Variants in L3MBTL1 observed in about 807,000 individuals in gnomAD.
L3MBTL1 encodes lethal(3)malignant brain tumor-like protein 1.
Under a neutral mutation model 105.3 loss-of-function variants are expected in L3MBTL1, and 75 were observed. The observed-to-expected ratio is 0.71, with a 90% CI of 0.59 to 0.86. The LOEUF (loss-of-function observed/expected upper bound fraction) is 0.86, where lower values mean the gene tolerates loss of function less well. L3MBTL1 is among the 40% of genes least tolerant of loss of function. The probability of loss-of-function intolerance (pLI) is 0.00; values close to 1 mark genes in which losing one functional copy is unlikely to be tolerated. For missense variants in L3MBTL1, 1,069 were observed against 1,126.4 expected, an observed-to-expected ratio of 0.95 and a Z score of 0.73; for synonymous variants, 452 against 436.2, an observed-to-expected ratio of 1.04 and a Z score of -0.45.
chr20:43,527,657 A>G (rs2019103251), intron 7 of L3MBTL1, among the ~76,000 whole-genome samples: 1 of 147,764 alleles, frequency 6.8e-6, no homozygotes, highest in Admixed American at 6.7e-5. Flanking sequence ...CCCATCAAGC[A>G]CACATATACA....
At chr20:43,547,253 C>T (rs1012021632) in intron 18 of L3MBTL1, among the ~76,000 whole-genome samples, 5 of 151,998 alleles carry the variant, frequency 3.3e-5, no homozygotes, top group South Asian at 4.2e-4. Flanking sequence ...TGCAGGCGCC[C>T]GCCACCACGC....
chr20:43,515,630 TC>T (rs1195526685), intron 6 of L3MBTL1: 2 of 590,106 alleles, frequency 3.4e-6, no homozygotes, highest in Non-Finnish European at 5.8e-6. Context: ...AGCTCCCATC[TC>T]AGTTTAGTGT....
At chr20:43,548,590 T>C (rs1469876089) in exon 19 of L3MBTL1, 3 of 165,702 alleles carry the variant, frequency 1.8e-5, no homozygotes, top group Admixed American at 6.2e-5. Context: ...GAGAGACTAG[T>C]AGAGCAGCAG....
chr20:43,528,851 G>A, intron 8 of L3MBTL1, 106 bp downstream of exon 8: 1 of 853,442 alleles, frequency 1.2e-6, no homozygotes, highest in Non-Finnish European at 2.0e-6. Context: ...TGCCTCAGTG[G>A]ACTGGCAGAA....
chr20:43,529,385 T>G lies in L3MBTL1; in HGVS notation c.1056+17T>G. The G allele has an allele frequency of 6.4e-7, 1 of 1,562,298 alleles. No individual in the cohort carries two copies. The highest frequency in any genetic ancestry group is 8.8e-7 in the Non-Finnish European group (1 of 1,137,086). On this transcript the variant is annotated intron_variant, in intron 9 of 21. Transcript: ENST00000418998. ...GTGGCTGAGGTGAGCTGGGGCTTGG[T>G]ACCACCTTTCTGATGATGTCTCTCA... is the stretch of plus-strand genomic sequence containing the variant.
At chr20:43,537,832 A>T (rs920885622) in intron 19 of L3MBTL1, among the ~76,000 whole-genome samples, 2 of 152,246 alleles carry the variant, frequency 1.3e-5, no homozygotes, top group Non-Finnish European at 2.9e-5. Context: ...TAACCTGGGC[A>T]GTAAGTAACA....
intron 12 of L3MBTL1, 60 bp downstream of exon 12, chr20:43,532,984 T>TTCATATCTCAGGTA: frequency 6.4e-7 from 1 of 1,563,766 alleles, no homozygotes; most frequent in Admixed American, 1.7e-5. Flanking sequence ...GGCAACTGCT[T>TTCATATCTCAGGTA]TCATATCTCA....
Position 43,541,889 on chromosome 20 carries a change from A to G in L3MBTL1, c.*761A>G. 7 of 985,414 alleles carry G rather than the reference A, an allele frequency of 7.1e-6. No homozygotes were observed. Among genetic ancestry groups the G allele is most frequent in the Non-Finnish European group, 8.4e-6 (7 of 829,910 alleles). The allele number at this position is 985,414 out of a possible 1,614,324, so 61.0% of individuals were successfully genotyped here. On this transcript the variant is annotated 3_prime_UTR_variant, in exon 22 of 22. Transcript: ENST00000418998. Reference sequence around the variant, plus strand: ...GGGAACACAATAAACACCAGTTTTGACTTTTAGTGCATAGTTGTCCTTAAG... The same window carrying G: ...GGGAACACAATAAACACCAGTTTTGGCTTTTAGTGCATAGTTGTCCTTAAG...
chr20:43,533,023 T>A (rs1568925687), intron 12 of L3MBTL1, 99 bp downstream of exon 12: 2 of 1,202,492 alleles, frequency 1.7e-6, no homozygotes, highest in Non-Finnish European at 2.4e-6. Flanking sequence ...TCAGTCCAGT[T>A]CTGACATTCA....
At chr20:43,548,031 C>A in intron 18 of L3MBTL1, 2 of 1,003,866 alleles carry the variant, frequency 2.0e-6, no homozygotes, top group African/African-American at 1.7e-5. Context: ...TCCCCATGCA[C>A]ACCCCTCCCT....
At position 43,540,282 on chromosome 20, in the gene L3MBTL1, A is replaced by G; in HGVS notation, c.2305A>G (p.Thr769Ala). ...LPGVAGISAS[T>A]VAKWTIDEVF... The stretch of plus-strand genomic sequence containing the variant: ...AGGAGTAGCGGGCATCTCAGCCTCG[A>G]CAGTCGCCAAGTGGACCATCGATGA... Residue 769 changes from threonine (T) to alanine (A), a missense_variant, in exon 20 of 22, where the codon ACA becomes GCA. Thr to Ala is a moderately conservative substitution (Grantham distance 58). Transcript: ENST00000418998. The G allele has an allele frequency of 6.2e-7, 1 of 1,613,772 alleles. No homozygotes were observed. Among genetic ancestry groups the G allele is most frequent in the Non-Finnish European group, 8.5e-7 (1 of 1,180,010 alleles).
intron 1 of L3MBTL1, among the ~76,000 whole-genome samples, chr20:43,509,057 C>A (rs988782624): frequency 7.2e-5 from 11 of 152,190 alleles, no homozygotes; most frequent in African/African-American, 2.7e-4. Flanking sequence ...CTGAGTCCCC[C>A]CTCACTTCAT....
In L3MBTL1 at chr20:43,518,851, C is replaced by CAAAAAAA. The variant is rs34529936; in HGVS notation, c.862+2696_862+2702dup. Reference sequence around the variant, plus strand: ...TGAAACCCCATCTCTACTAAAAATACAAAAAAAAAAAAAAAAAAAAAAAAA... The same window carrying CAAAAAAA: ...TGAAACCCCATCTCTACTAAAAATACAAAAAAAAAAAAAAAAAAAAAAAAAAAAAAAA... On this transcript the variant is annotated intron_variant, in intron 7 of 21. Transcript: ENST00000418998. 3.3e-4 allele frequency among the ~76,000 whole-genome samples: 11 copies of CAAAAAAA among 33,302 alleles called. 1 individual carries two copies. Among genetic ancestry groups the CAAAAAAA allele is most frequent in the Non-Finnish European group, 4.1e-4 (9 of 22,006 alleles). The allele number at this position is 33,302 out of a possible 152,430, so 21.8% of individuals were successfully genotyped here. A position where few individuals can be genotyped will look rare whatever the true frequency, so the allele number is the denominator to read the frequency against.
rs181809025 is a variant in L3MBTL1 at position 43,523,887 on chromosome 20, C to T, written c.863-4770C>T. ...GCGCATACCTGTAATCCCAGCTACT[C>T]GGGAGGCTGAGGCAGGATAATCACT... On this transcript the variant is annotated intron_variant, in intron 7 of 21. Transcript: ENST00000418998. Among the ~76,000 whole-genome samples the T allele has an allele frequency of 1.9e-3, 283 of 150,568 alleles. 3 individuals are homozygous for T. Among genetic ancestry groups the T allele is most frequent in the African/African-American group, 6.5e-3 (266 of 40,834 alleles).
rs969588282 is a variant in L3MBTL1 at position 43,514,031 on chromosome 20, C to A, written c.330C>A (p.Ala110=). Residue 110 remains alanine, a synonymous_variant, in exon 3 of 22, where the codon GCC becomes GCA. Transcript: ENST00000418998. ...STVRLLEWTE[A]AAPPPGGGLR... is the part of the protein sequence containing the mutation. ...TGCGGCTTCTGGAATGGACAGAGGC[C>A]GCGGCCCCGCCCCCAGGGGGCGGCC... 25 of 1,536,508 alleles carry A rather than the reference C, an allele frequency of 1.6e-5. No homozygotes were observed. In the African/African-American group the frequency reaches 2.7e-4, roughly 17 times the overall value.
chr20:43,515,618 A>G, intron 6 of L3MBTL1: 1 of 629,094 alleles, frequency 1.6e-6, no homozygotes, highest in Non-Finnish European at 2.7e-6. Context: ...TTGATTTTCC[A>G]GAGCTCCCAT....
chr20:43,529,360 G>A lies in L3MBTL1; in HGVS notation c.1048G>A (p.Val350Met), dbSNP rs753126855. The change falls in exon 9 of 22, where the codon GTG (valine) becomes ATG (methionine). Residue 350 changes from valine (V) to methionine (M), a missense_variant. Transcript: ENST00000418998. ...CCCGTCCATGTACTTCATCCTCACC[G>A]TGGCTGAGGTGAGCTGGGGCTTGGT... is the stretch of plus-strand genomic sequence containing the variant. ...QHPSMYFILTVAEVCGYRLRL... is the reference protein window; with the variant it reads ...QHPSMYFILTMAEVCGYRLRL... 9.9e-6 allele frequency: 16 copies of A among 1,608,280 alleles called. No homozygotes were observed. Among genetic ancestry groups the A allele is most frequent in the African/African-American group, 1.3e-5 (1 of 74,820 alleles).
intron 7 of L3MBTL1, among the ~76,000 whole-genome samples, chr20:43,519,403 G>A (rs1287750875): frequency 2.0e-5 from 3 of 151,242 alleles, no homozygotes; most frequent in African/African-American, 4.9e-5. Flanking sequence ...TTGGGAGGCC[G>A]AAGCGGGCAG....
intron 7 of L3MBTL1, among the ~76,000 whole-genome samples, chr20:43,522,586 C>T (rs1454963259): frequency 6.8e-6 from 1 of 147,248 alleles, no homozygotes; most frequent in Admixed American, 6.9e-5. Flanking sequence ...CATCCTCCCT[C>T]CTTAGCCTTC....
Sources: allele counts gnomAD v4.1 joint callset (sites outside exome capture counted in the v4.1 genomes callset), GRCh38; gene constraint gnomAD v4.1.1; transcripts MANE v1.5; gene names NCBI Gene and HGNC (gene_info 2026-07-23, HGNC 2026-07-21).